Variants in TPRKB observed in about 807,000 individuals in gnomAD.
TPRKB encodes TP53RK binding protein, also known as EKC/KEOPS complex subunit TPRKB.
A neutral mutation model predicts 17.8 loss-of-function variants in TPRKB; 11 were observed. The observed-to-expected ratio is 0.62, with a 90% CI of 0.39 to 1.02. The LOEUF is 1.02. Ranked by LOEUF, TPRKB falls within the 50% of genes least tolerant of loss-of-function variation. The pLI is 0.00. For synonymous variants in TPRKB, 71 were observed against 69.5 expected (o/e 1.02, Z -0.11); for missense variants, 228 against 198.0 (o/e 1.15, Z -0.91).
Position 73,734,459 on chromosome 2 carries a change from G to C in TPRKB, c.111C>G (p.Thr37=). 6.2e-7 allele frequency: 1 copy of C among 1,613,742 alleles called. No homozygotes were observed. Among genetic ancestry groups the C allele is most frequent in the Non-Finnish European group, 8.5e-7 (1 of 1,179,886 alleles). The change falls in exon 2 of 5, where the codon ACC becomes ACG. Residue 37 remains threonine, a synonymous_variant. Transcript: ENST00000272424. ...GDLRRKAMEG[T]IDGSLINPTV... is the part of the protein sequence containing the mutation. Reference sequence around the variant, plus strand: ...TAGGATTTATCAGTGATCCATCGATGGTGCCTTCCATGGCCTTTCTTCTCA... The same window carrying C: ...TAGGATTTATCAGTGATCCATCGATCGTGCCTTCCATGGCCTTTCTTCTCA...
intron 1 of TPRKB, among the ~76,000 whole-genome samples, chr2:73,735,430 T>C (rs979226841): frequency 6.6e-6 from 1 of 151,998 alleles, no homozygotes; most frequent in Non-Finnish European, 1.5e-5. Flanking sequence ...GGCACATGTA[T>C]ACAGATGTAA....
chr2:73,733,658 G>A (rs1671737565), intron 2 of TPRKB, among the ~76,000 whole-genome samples: 1 of 152,052 alleles, frequency 6.6e-6, no homozygotes, highest in African/African-American at 2.4e-5. Flanking sequence ...CCTAGGGCAG[G>A]ACCTGGCACT....
At chr2:73,735,242 G>T (rs1446548397) in intron 1 of TPRKB, among the ~76,000 whole-genome samples, 1 of 151,934 alleles carries the variant, frequency 6.6e-6, no homozygotes, top group African/African-American at 2.4e-5. Context: ...TGAGGCAGAA[G>T]AATCGCTTGA....
Position 73,732,282 on chromosome 2 carries a change from C to T in TPRKB, c.145G>A (p.Val49Ile), listed in dbSNP as rs145872059. The part of the protein sequence containing the change: ...DGSLINPTVI[V>I]DPFQILVAAN... ...GCCACAAGTATCTGAAATGGATCAA[C>T]AATCTACCAAAGCAAGGAAAAAGAA... is the stretch of plus-strand genomic sequence containing the variant. The change falls in exon 3 of 5, where the codon GTT becomes ATT. Residue 49 changes from valine (V) to isoleucine (I), a missense_variant. Transcript: ENST00000272424. 110 of 1,610,978 alleles carry T rather than the reference C, an allele frequency of 6.8e-5. No individual in the cohort carries two copies. In the African/African-American group the frequency reaches 1.3e-3, roughly 18 times the overall value.
chr2:73,732,531 C>T (rs1373118505), intron 2 of TPRKB: 4 of 403,330 alleles, frequency 9.9e-6, no homozygotes, highest in South Asian at 9.2e-5. Context: ...GCCAACACGG[C>T]GAAACCCTCT....
chr2:73,733,754 C>T (rs922236936), intron 2 of TPRKB, among the ~76,000 whole-genome samples: 10 of 151,952 alleles, frequency 6.6e-5, no homozygotes, highest in African/African-American at 1.9e-4. Context: ...GATTTTTAGG[C>T]TACCCTATAA....
At chr2:73,734,769 T>C (rs1671802716) in intron 1 of TPRKB, among the ~76,000 whole-genome samples, 178 bp from the exon 2 acceptor site, 1 of 152,208 alleles carries the variant, frequency 6.6e-6, no homozygotes, top group African/African-American at 2.4e-5. Context: ...CCCTTCTGAG[T>C]TGTTCTGTTG....
intron 2 of TPRKB, among the ~76,000 whole-genome samples, chr2:73,733,095 G>A (rs930878247): frequency 2.6e-5 from 4 of 152,114 alleles, no homozygotes; most frequent in African/African-American, 9.7e-5. Context: ...AGGCTGTTGT[G>A]AAGATTAAGC....
chr2:73,730,753 GAAAA>G lies in TPRKB; in HGVS notation c.265-21_265-18del. Reference sequence around the variant, plus strand: ...CTCTGAAATCTAAGAGAAAAAAAATGAAAAAAAAAACACAAGATCATTAACCATT... The same window carrying G: ...CTCTGAAATCTAAGAGAAAAAAAATGAAAAAACACAAGATCATTAACCATT... On this transcript the variant is annotated intron_variant, in intron 3 of 4. Coordinates refer to ENST00000272424, the MANE Select transcript of TPRKB (RefSeq NM_016058.5). The G allele has an allele frequency of 7.7e-7, 1 of 1,302,144 alleles. No individual in the cohort carries two copies. The highest frequency in any genetic ancestry group is 1.0e-6 in the Non-Finnish European group (1 of 987,820). 80.7% of individuals were successfully genotyped at this position (1,302,144 alleles called of 1,614,324 possible). A position where few individuals can be genotyped will look rare whatever the true frequency, so the allele number is the denominator to read the frequency against.
chr2:73,733,376 A>C (rs1671724177), intron 2 of TPRKB, among the ~76,000 whole-genome samples: 1 of 149,622 alleles, frequency 6.7e-6, no homozygotes, highest in Non-Finnish European at 1.5e-5. Flanking sequence ...CTTGTGCCTC[A>C]GCCTCCCGAG....
intron 1 of TPRKB, among the ~76,000 whole-genome samples, chr2:73,735,525 G>A (rs1015740175): frequency 6.6e-6 from 1 of 152,092 alleles, no homozygotes; most frequent in South Asian, 2.1e-4. Context: ...TTGACCCAAA[G>A]ATATTCATTC....
At chr2:73,733,199 A>G (rs1671706680) in intron 2 of TPRKB, among the ~76,000 whole-genome samples, 1 of 148,368 alleles carries the variant, frequency 6.7e-6, no homozygotes, top group Non-Finnish European at 1.5e-5. Context: ...CCTAAGTAGT[A>G]GGTCTGGGAT....
At position 73,737,342 on chromosome 2, in the gene TPRKB, A is replaced by C. The variant is rs1488532856; in HGVS notation, c.-63T>G. ...GCGTCTCGGAAGAGCTCCCGCTCCG[A>C]AACAAAGCTCACAACTTCCGGAAGC... On this transcript the variant is annotated 5_prime_UTR_variant, in exon 1 of 5. Coordinates refer to ENST00000272424, the MANE Select transcript of TPRKB (RefSeq NM_016058.5). The C allele has an allele frequency of 6.6e-6, 1 of 152,174 alleles. No homozygotes were observed. Among genetic ancestry groups the C allele is most frequent in the Non-Finnish European group, 1.5e-5 (1 of 68,022 alleles). The allele number at this position is 152,174 out of a possible 1,614,324, so 9.4% of individuals were successfully genotyped here. A position where few individuals can be genotyped will look rare whatever the true frequency, so the allele number is the denominator to read the frequency against.
intron 1 of TPRKB, among the ~76,000 whole-genome samples, chr2:73,735,017 A>C (rs187651777): frequency 2.4e-4 from 37 of 152,330 alleles, no homozygotes; most frequent in Non-Finnish European, 4.0e-4. Flanking sequence ...ATAAATATTA[A>C]GGAAGAAAAT....
At chr2:73,732,550 A>T (rs1165790756) in intron 2 of TPRKB, 4 of 350,628 alleles carry the variant, frequency 1.1e-5, no homozygotes, top group Middle Eastern at 8.5e-4. Context: ...CTCTACTAAA[A>T]ATACAAAAAT....
chr2:73,730,710 A>C lies in TPRKB; in HGVS notation c.291T>G (p.Gly97=). ...GAATTGAAGTGTCATTTGCTGAGAT[A>C]CCAAATTTTTTCAAAGCCTCTGAAA... is the stretch of plus-strand genomic sequence containing the variant. ...NNISEALKKF[G]ISANDTSILI... The change falls in exon 4 of 5, where the codon GGT becomes GGG. Residue 97 remains glycine, a synonymous_variant. Transcript: ENST00000272424. The C allele has an allele frequency of 6.5e-7, 1 of 1,527,602 alleles. No homozygotes were observed. Among genetic ancestry groups the C allele is most frequent in the Non-Finnish European group, 8.7e-7 (1 of 1,148,930 alleles). The allele number at this position is 1,527,602 out of a possible 1,614,324, so 94.6% of individuals were successfully genotyped here. A position where few individuals can be genotyped will look rare whatever the true frequency, so the allele number is the denominator to read the frequency against.
intron 1 of TPRKB, among the ~76,000 whole-genome samples, chr2:73,735,466 C>T (rs1558523034): frequency 6.6e-6 from 1 of 151,916 alleles, no homozygotes; most frequent in Non-Finnish European, 1.5e-5. Context: ...TGCACATGTA[C>T]CCTAGAACTT....
chr2:73,730,543 A>G lies in TPRKB; in HGVS notation c.441+17T>C. On this transcript the variant is annotated intron_variant, in intron 4 of 4. Coordinates refer to ENST00000272424, the MANE Select transcript of TPRKB (RefSeq NM_016058.5). ...GCTCATCTATCACACTCTTTCTAAAAATATGGACTGGCAAACCTTTTTGAC... is the reference window on the plus strand; with the variant it reads ...GCTCATCTATCACACTCTTTCTAAAGATATGGACTGGCAAACCTTTTTGAC... The G allele has an allele frequency of 6.4e-7, 1 of 1,556,880 alleles. No homozygotes were observed. The highest frequency in any genetic ancestry group is 2.0e-5 in the Admixed American group (1 of 49,348).
At chr2:73,736,695 G>A (rs1045742989) in intron 1 of TPRKB, among the ~76,000 whole-genome samples, 1 of 152,198 alleles carries the variant, frequency 6.6e-6, no homozygotes, top group East Asian at 1.9e-4. Flanking sequence ...GTAGCCTTCT[G>A]AGTGGTTTCT....
Sources: gnomAD v4.1 joint callset for allele counts (sites outside exome capture counted in the v4.1 genomes callset) on GRCh38, gnomAD v4.1.1 for gene constraint, MANE v1.5 for transcripts, NCBI Gene and HGNC (gene_info 2026-07-23, HGNC 2026-07-21) for gene names.